Variants in CDYL2 observed in about 807,000 individuals in gnomAD.
CDYL2 encodes the protein chromodomain Y-like protein 2.
In CDYL2, 23 loss-of-function variants were observed where a neutral mutation model predicts 49.4. That is an observed-to-expected ratio of 0.47 (90% CI 0.34 to 0.66). The LOEUF (loss-of-function observed/expected upper bound fraction) is 0.66, where lower values mean the gene tolerates loss of function less well. CDYL2 is among the 30% of genes least tolerant of loss of function. CDYL2 has a pLI of 0.01. For missense variants in CDYL2, 678 were observed against 656.4 expected, an observed-to-expected ratio of 1.03 and a Z score of -0.36; for synonymous variants, 360 against 268.8, an observed-to-expected ratio of 1.34 and a Z score of -3.32.
intron 2 of CDYL2, among the ~76,000 whole-genome samples, chr16:80,639,906 C>T (rs1233410318): frequency 2.6e-5 from 4 of 152,164 alleles, no homozygotes; most frequent in Admixed American, 2.0e-4. Context: ...TACCCAATGA[C>T]GGAGCATTTA....
At chr16:80,751,801 C>A (rs760779100) in intron 1 of CDYL2, among the ~76,000 whole-genome samples, 6 of 152,166 alleles carry the variant, frequency 3.9e-5, no homozygotes, top group Admixed American at 3.3e-4. Context: ...GAGGGATAAT[C>A]AGAGATAGCT....
At chr16:80,786,307 A>G (rs954950472) in intron 1 of CDYL2, among the ~76,000 whole-genome samples, 2 of 152,262 alleles carry the variant, frequency 1.3e-5, no homozygotes, top group Non-Finnish European at 2.9e-5. Context: ...GGCAAAGGAT[A>G]TGAACAGACA....
chr16:80,604,484 G>T lies in CDYL2; in HGVS notation c.1425C>A (p.Asn475Lys). ...GCTTGAGCATGAGGCATTCCTTCTC[G>T]TTCACGTCTTCCAGCACTGATTTCA... Reference protein sequence around the residue: ...SFLKSVLEDVNEKECLMLKQL... With the variant: ...SFLKSVLEDVKEKECLMLKQL... Residue 475 changes from asparagine to lysine, a missense_variant, in exon 7 of 7, where the codon AAC becomes AAA. This residue lies in a region of CDYL2 where 153 missense variants were observed against 150.6 expected (regional missense o/e 1.02). Transcript: ENST00000570137. 6.2e-7 allele frequency: 1 copy of T among 1,614,152 alleles called. No individual in the cohort carries two copies. The highest frequency in any genetic ancestry group is 8.5e-7 in the Non-Finnish European group (1 of 1,180,018).
intron 1 of CDYL2, among the ~76,000 whole-genome samples, chr16:80,712,183 C>CTG (rs1242735654): frequency 0.15 from 4,106 of 27,286 alleles, 108 homozygotes; most frequent in South Asian, 0.19. Flanking sequence ...GTCTTTGTGT[C>CTG]TGTGTGTGTA....
rs1030676316 is a variant in CDYL2 at position 80,730,724 on chromosome 16, A to G, written c.25-45595T>C. ...CTCAACAAAATACTGGCAATAAGTGATGGATAAATATGTAGGGGTGTATCT... is the reference window on the plus strand; with the variant it reads ...CTCAACAAAATACTGGCAATAAGTGGTGGATAAATATGTAGGGGTGTATCT... On this transcript the variant is annotated intron_variant, in intron 1 of 6. Transcript: ENST00000570137. Among the ~76,000 whole-genome samples the G allele has an allele frequency of 3.3e-5, 5 of 152,184 alleles. No homozygotes were observed. The East Asian group carries it at 9.6e-4, about 29-fold the overall frequency.
intron 1 of CDYL2, among the ~76,000 whole-genome samples, chr16:80,778,076 G>C (rs937325499): frequency 2.6e-5 from 4 of 151,966 alleles, no homozygotes; most frequent in Non-Finnish European, 4.4e-5. Flanking sequence ...GATCACTCCA[G>C]TAAGTATCAA....
At chr16:80,768,364 C>T (rs976140167) in intron 1 of CDYL2, among the ~76,000 whole-genome samples, 21 of 152,360 alleles carry the variant, frequency 1.4e-4, no homozygotes, top group African/African-American at 4.6e-4. Flanking sequence ...CTCACCTGCA[C>T]TAACCAGTGT....
chr16:80,746,679 T>C (rs1905941774), intron 1 of CDYL2, among the ~76,000 whole-genome samples: 1 of 152,096 alleles, frequency 6.6e-6, no homozygotes, highest in Non-Finnish European at 1.5e-5. Context: ...CCAGGTAGCT[T>C]AGAAGGCCCC....
At chr16:80,672,030 T>C (rs72806178) in intron 2 of CDYL2, among the ~76,000 whole-genome samples, 3,316 of 152,304 alleles carry the variant, frequency 0.022, 49 homozygotes, top group Middle Eastern at 0.037. Context: ...TTTTCTGATT[T>C]TGGAATATTT....
Position 80,709,907 on chromosome 16 carries a change from C to T in CDYL2, c.25-24778G>A, listed in dbSNP as rs150445786. On this transcript the variant is annotated intron_variant, in intron 1 of 6. Transcript: ENST00000570137. ...TTCCGTAAGCCCTATTTTTTAATTA[C>T]ATGATTATGGACAGCAGGCTGATTT... 7.4e-3 allele frequency among the ~76,000 whole-genome samples: 1,119 copies of T among 151,664 alleles called. 12 individuals carry two copies. The highest frequency in any genetic ancestry group is 0.025 in the African/African-American group (1,050 of 41,324).
At chr16:80,736,672 A>T (rs942885820) in intron 1 of CDYL2, among the ~76,000 whole-genome samples, 6 of 152,234 alleles carry the variant, frequency 3.9e-5, no homozygotes, top group African/African-American at 9.6e-5. Context: ...GCACTTTAGG[A>T]GGCCAAAGTG....
At chr16:80,764,902 T>A (rs1390572007) in intron 1 of CDYL2, among the ~76,000 whole-genome samples, 3 of 151,026 alleles carry the variant, frequency 2.0e-5, no homozygotes, top group African/African-American at 7.3e-5. Context: ...CTACTAAAAA[T>A]ACAAAAAATT....
intron 1 of CDYL2, among the ~76,000 whole-genome samples, chr16:80,710,624 A>T (rs1904563323): frequency 6.6e-6 from 1 of 152,220 alleles, no homozygotes; most frequent in African/African-American, 2.4e-5. Context: ...AAACAGGTTA[A>T]CTGTATGAAA....
intron 1 of CDYL2, 56 bp from the exon 2 acceptor site, chr16:80,685,185 G>C: frequency 7.0e-7 from 1 of 1,420,474 alleles, no homozygotes; most frequent in African/African-American, 1.4e-5. Context: ...AAAAAACTCA[G>C]TTCGAGGCAA....
chr16:80,606,776 T>C (rs1268551095), intron 6 of CDYL2, among the ~76,000 whole-genome samples: 2 of 152,208 alleles, frequency 1.3e-5, no homozygotes, highest in Non-Finnish European at 2.9e-5. Context: ...TCCCCCACAC[T>C]GTTCTCCTGG....
intron 1 of CDYL2, among the ~76,000 whole-genome samples, chr16:80,772,837 G>GA (rs558489013): frequency 1.1e-3 from 162 of 152,124 alleles, no homozygotes; most frequent in African/African-American, 3.5e-3. Flanking sequence ...AAAAATAACA[G>GA]AAAAAATGGA....
At chr16:80,760,130 C>G (rs762684853) in intron 1 of CDYL2, among the ~76,000 whole-genome samples, 2 of 152,182 alleles carry the variant, frequency 1.3e-5, no homozygotes, top group Non-Finnish European at 2.9e-5. Flanking sequence ...GACTAGCAGG[C>G]TGCTTTCATG....
intron 1 of CDYL2, among the ~76,000 whole-genome samples, chr16:80,761,970 G>A (rs1223221039): frequency 6.6e-6 from 1 of 150,882 alleles, no homozygotes. Context: ...AGGATTGTTT[G>A]AGGCCAGGAG....
chr16:80,743,158 C>A (rs1443556718), intron 1 of CDYL2, among the ~76,000 whole-genome samples: 3 of 152,094 alleles, frequency 2.0e-5, no homozygotes, highest in African/African-American at 4.8e-5. Context: ...TATTGAACAT[C>A]AACTTCATGG....
Sources: gnomAD v4.1 joint callset for allele counts (sites outside exome capture counted in the v4.1 genomes callset) on GRCh38, gnomAD v4.1.1 for gene constraint, gnomAD v4.1.1 regional missense constraint, MANE v1.5 for transcripts, NCBI Gene and HGNC (gene_info 2026-07-23, HGNC 2026-07-21) for gene names.